Variants in ROBO1 observed in about 807,000 individuals in gnomAD.
ROBO1 encodes the protein roundabout guidance receptor 1.
ROBO1 carries 149 observed loss-of-function variants against 195.9 expected under a neutral mutation model. That is an observed-to-expected ratio of 0.76 (90% CI 0.67 to 0.87). ROBO1 has a LOEUF of 0.87. Ranked by LOEUF, ROBO1 falls within the 40% of genes least tolerant of loss-of-function variation. The probability of loss-of-function intolerance (pLI) is 0.00; values close to 1 mark genes in which losing one functional copy is unlikely to be tolerated. For synonymous variants in ROBO1, 816 were observed against 733.2 expected (o/e 1.11, Z -1.82); for missense variants, 1,933 against 2,068.3 (o/e 0.93, Z 1.27).
At chr3:79,748,834 C>A (rs535684279) in intron 1 of ROBO1, among the ~76,000 whole-genome samples, 1 of 152,254 alleles carries the variant, frequency 6.6e-6, no homozygotes, top group East Asian at 1.9e-4. Context: ...CTTCCCCAGC[C>A]ACATGGAACT....
intron 1 of ROBO1, among the ~76,000 whole-genome samples, chr3:79,609,116 A>G (rs1223303447): frequency 2.0e-5 from 3 of 151,828 alleles, no homozygotes; most frequent in Non-Finnish European, 4.4e-5. Context: ...TTCCAGAATA[A>G]ATTTCTGTTC....
intron 24 of ROBO1, among the ~76,000 whole-genome samples, 189 bp from the exon 25 acceptor site, chr3:78,631,494 T>G (rs1705185840): frequency 6.6e-6 from 1 of 152,136 alleles, no homozygotes; most frequent in Non-Finnish European, 1.5e-5. Context: ...CATGAATAAC[T>G]GCAAAATAAA....
chr3:78,666,236 C>A (rs970666704), intron 14 of ROBO1, among the ~76,000 whole-genome samples: 14 of 152,266 alleles, frequency 9.2e-5, no homozygotes, highest in African/African-American at 3.4e-4. Flanking sequence ...TTATAAACTG[C>A]CCAGTCTCGG....
intron 2 of ROBO1, among the ~76,000 whole-genome samples, chr3:79,563,028 G>A (rs879741044): frequency 2.0e-5 from 3 of 152,006 alleles, no homozygotes; most frequent in Non-Finnish European, 4.4e-5. Flanking sequence ...TCATCAATAT[G>A]TGGTATCTAA....
At chr3:78,833,311 G>T (rs770228715) in intron 4 of ROBO1, among the ~76,000 whole-genome samples, 1 of 152,186 alleles carries the variant, frequency 6.6e-6, no homozygotes, top group Non-Finnish European at 1.5e-5. Flanking sequence ...CAGAAGTGCA[G>T]TCAGGGAAAA....
intron 2 of ROBO1, among the ~76,000 whole-genome samples, chr3:79,151,613 T>A (rs1420039479): frequency 1.3e-5 from 2 of 151,766 alleles, no homozygotes; most frequent in Non-Finnish European, 2.9e-5. Context: ...GTTTTCTGCT[T>A]ATAACTTTAA....
At chr3:78,660,874 T>G (rs2107665889) in intron 16 of ROBO1, 156 bp downstream of exon 16, 2 of 612,972 alleles carry the variant, frequency 3.3e-6, no homozygotes, top group African/African-American at 3.7e-5. Context: ...TTTCTAGTTT[T>G]CTAAATAAAC....
Position 78,607,027 on chromosome 3 carries a change from G to A in ROBO1, c.4450C>T (p.Pro1484Ser), listed in dbSNP as rs1263002525. Residue 1484 changes from proline (P) to serine (S), a missense_variant, in exon 29 of 31, where the codon CCT (proline) becomes TCT (serine). Pro to Ser is a moderately conservative substitution (Grantham distance 74). Transcript: ENST00000464233. ...ETYTDDLPPP[P>S]VPPPAIKSPT... ...GACTTTATAGCAGGTGGCGGCACAG[G>A]AGGTGGTGGAAGATCTAAAAAGAAA... 1.2e-6 allele frequency: 2 copies of A among 1,609,556 alleles called. No individual in the cohort carries two copies. Among genetic ancestry groups the A allele is most frequent in the Non-Finnish European group, 1.7e-6 (2 of 1,176,704 alleles).
intron 3 of ROBO1, among the ~76,000 whole-genome samples, chr3:79,004,423 G>A (rs1180925979): frequency 6.6e-6 from 1 of 152,138 alleles, no homozygotes; most frequent in Non-Finnish European, 1.5e-5. Context: ...TGTGCAGGTT[G>A]TAAGTATTTA....
intron 23 of ROBO1, among the ~76,000 whole-genome samples, chr3:78,634,909 A>G (rs1419505997): frequency 5.9e-5 from 9 of 152,184 alleles, no homozygotes; most frequent in Admixed American, 5.9e-4. Context: ...TTTTCAAAGA[A>G]AATGTTCCCA....
At chr3:78,832,992 C>T (rs1035155028) in intron 4 of ROBO1, among the ~76,000 whole-genome samples, 1 of 152,056 alleles carries the variant, frequency 6.6e-6, no homozygotes, top group African/African-American at 2.4e-5. Context: ...AGCACGATAA[C>T]GGAGGGCCTC....
chr3:79,583,550 G>C (rs1943725313), intron 2 of ROBO1, among the ~76,000 whole-genome samples: 2 of 151,810 alleles, frequency 1.3e-5, no homozygotes, highest in African/African-American at 4.8e-5. Context: ...AGATCATAAA[G>C]AAACCATCTA....
intron 2 of ROBO1, among the ~76,000 whole-genome samples, chr3:79,435,437 A>C (rs1483087283): frequency 1.3e-5 from 2 of 152,154 alleles, no homozygotes; most frequent in Non-Finnish European, 2.9e-5. Flanking sequence ...CTTTTCTCTG[A>C]AAATCTGCAC....
At chr3:79,114,607 C>G (rs2079956701) in intron 3 of ROBO1, among the ~76,000 whole-genome samples, 1 of 152,234 alleles carries the variant, frequency 6.6e-6, no homozygotes, top group Middle Eastern at 3.4e-3. Flanking sequence ...ATCGACATTT[C>G]CATGGATAAG....
intron 4 of ROBO1, among the ~76,000 whole-genome samples, chr3:78,875,143 G>A (rs2035764165): frequency 6.6e-6 from 1 of 151,914 alleles, no homozygotes; most frequent in Admixed American, 6.6e-5. Context: ...TTAAAGTTCT[G>A]AAAAACAAAA....
At chr3:79,341,877 T>C (rs189366424) in intron 2 of ROBO1, among the ~76,000 whole-genome samples, 1 of 152,324 alleles carries the variant, frequency 6.6e-6, no homozygotes, top group African/African-American at 2.4e-5. Flanking sequence ...TCTACACTTC[T>C]GAATCATAGT....
chr3:78,898,164 C>T (rs1027276104), intron 4 of ROBO1, among the ~76,000 whole-genome samples: 2 of 148,034 alleles, frequency 1.4e-5, no homozygotes, highest in South Asian at 4.3e-4. Flanking sequence ...TATGTTGATT[C>T]CCTTTACAAT....
chr3:79,269,780 G>C (rs922611277), intron 2 of ROBO1, among the ~76,000 whole-genome samples: 8 of 151,616 alleles, frequency 5.3e-5, no homozygotes, highest in African/African-American at 1.5e-4. Flanking sequence ...TGTTTACTCT[G>C]GCAAAAGATT....
chr3:78,707,127 C>T (rs972641496), intron 8 of ROBO1, among the ~76,000 whole-genome samples: 2 of 152,154 alleles, frequency 1.3e-5, no homozygotes, highest in African/African-American at 4.8e-5. Context: ...TTCATTGGGA[C>T]AGTAAATAGG....
Sources: gnomAD v4.1 joint callset for allele counts (sites outside exome capture counted in the v4.1 genomes callset) on GRCh38, gnomAD v4.1.1 for gene constraint, MANE v1.5 for transcripts, NCBI Gene and HGNC (gene_info 2026-07-23, HGNC 2026-07-21) for gene names.